OGFR: variants seen among roughly 807,000 people sequenced by gnomAD.
OGFR encodes opioid growth factor receptor.
In OGFR, 18 loss-of-function variants were observed where a neutral mutation model predicts 33.6. That is an observed-to-expected ratio of 0.54 (90% confidence interval 0.37 to 0.80). OGFR has a LOEUF of 0.80. OGFR is among the 30% of genes least tolerant of loss of function. The pLI is 0.00. For missense variants in OGFR, 877 were observed against 955.8 expected (o/e 0.92, Z 1.09); for synonymous variants, 370 against 400.7 (o/e 0.92, Z 0.91).
At chr20:62,812,018 T>TA (rs1317200434) in intron 6 of OGFR, among the ~76,000 whole-genome samples, 2 of 152,176 alleles carry the variant, frequency 1.3e-5, no homozygotes, top group African/African-American at 2.4e-5. Context: ...AGCATCCCCC[T>TA]AACCCCCGTG....
chr20:62,806,987 G>A lies in OGFR; in HGVS notation c.172-550G>A, dbSNP rs183111520. On this transcript the variant is annotated intron_variant, in intron 1 of 6. Transcript: ENST00000290291. ...GCCCTCACCGTGGCCAGTGAGGCGT[G>A]GGGTTGGGCAGGGAAGGGGCATTCA... 71 of 160,920 alleles carry A rather than the reference G, an allele frequency of 4.4e-4. No homozygotes were observed. The East Asian group carries it at 9.0e-3, about 20-fold the overall frequency. The allele number at this position is 160,920 out of a possible 1,614,324, so 10.0% of individuals were successfully genotyped here. A position where few individuals can be genotyped will look rare whatever the true frequency, so the allele number is the denominator to read the frequency against.
At chr20:62,807,390 CAGGAGAATGAGAGGG>C in intron 1 of OGFR, 132 bp from the exon 2 acceptor site, 1 of 690,596 alleles carries the variant, frequency 1.4e-6, no homozygotes, top group South Asian at 1.8e-5. Flanking sequence ...AGAGCCAGGG[CAGGAGAATGAGAGGG>C]AGGAGCCATG....
Position 62,813,122 on chromosome 20 carries a change from G to T in OGFR, c.1507G>T (p.Asp503Tyr). ...ACACAGTGAGAACGGGGTTGAGGAGGACACAGAAGGTCGAACGGGGCCCAA... is the reference window on the plus strand; with the variant it reads ...ACACAGTGAGAACGGGGTTGAGGAGTACACAGAAGGTCGAACGGGGCCCAA... ...AGHSENGVEE[D>Y]TEGRTGPKEG... The change falls in exon 7 of 7, where the codon GAC (aspartate) becomes TAC (tyrosine). Residue 503 changes from aspartate to tyrosine, a missense_variant. Coordinates refer to ENST00000290291, the MANE Select transcript of OGFR (RefSeq NM_007346.4). The T allele has an allele frequency of 1.3e-6, 2 of 1,580,064 alleles. No individual in the cohort carries two copies. The highest frequency in any genetic ancestry group is 1.7e-6 in the Non-Finnish European group (2 of 1,163,074).
In OGFR at chr20:62,813,025, G is replaced by A. The variant is rs372059243; in HGVS notation, c.1410G>A (p.Ala470=). The change falls in exon 7 of 7, where the codon GCG becomes GCA. Residue 470 remains alanine (A), a synonymous_variant. Coordinates refer to ENST00000290291, the MANE Select transcript of OGFR (RefSeq NM_007346.4). ...ATGAGGGTGCTGGGGACAGTGCTGC[G>A]GTGGCCAGTGGTGGTGCCCAGACCT... The part of the protein sequence containing the change: ...KVDEGAGDSA[A]VASGGAQTLA... 1.2e-5 allele frequency: 19 copies of A among 1,600,846 alleles called. No individual in the cohort carries two copies. The highest frequency in any genetic ancestry group is 9.4e-5 in the African/African-American group (7 of 74,846).
chr20:62,809,568 C>G lies in OGFR; in HGVS notation c.320-17C>G. 1 of 1,609,146 alleles carries G rather than the reference C, an allele frequency of 6.2e-7. No individual in the cohort carries two copies. The highest frequency in any genetic ancestry group is 8.5e-7 in the Non-Finnish European group (1 of 1,176,710). On this transcript the variant is annotated splice_polypyrimidine_tract_variant and intron_variant, in intron 3 of 6. Coordinates refer to ENST00000290291, the MANE Select transcript of OGFR (RefSeq NM_007346.4). ...AGGGTGGCTGCCACAGCTGACTTGT[C>G]CCCATGGGGCTCCCAGGCTGTTTCA... is the stretch of plus-strand genomic sequence containing the variant.
intron 3 of OGFR, among the ~76,000 whole-genome samples, chr20:62,808,653 C>T (rs35628589): frequency 0.045 from 6,899 of 152,262 alleles, 225 homozygotes; most frequent in Non-Finnish European, 0.065. Context: ...CTAAGGATAG[C>T]TTTTATATTT....
intron 2 of OGFR, 54 bp from the exon 3 acceptor site, chr20:62,808,193 C>T: frequency 1.4e-6 from 2 of 1,392,126 alleles, no homozygotes; most frequent in East Asian, 2.3e-5. Context: ...CGGAGGGCCC[C>T]AGGGCAGCTT....
intron 2 of OGFR, chr20:62,807,884 G>A (rs1361192176): frequency 1.7e-6 from 1 of 599,254 alleles, no homozygotes; most frequent in Non-Finnish European, 3.0e-6. Flanking sequence ...ACACGTGTGG[G>A]GTCCGTGATA....
At position 62,812,632 on chromosome 20, in the gene OGFR, C is replaced by T. The variant is rs921334966; in HGVS notation, c.1017C>T (p.Gly339=). ...GGCCAGAGCATAGCAAGGGTGGGGG[C>T]AGGGTGGACGAGGGGCCCCAGCCAC... ...TCGPEHSKGG[G]RVDEGPQPRS... The change falls in exon 7 of 7, where the codon GGC becomes GGT. Residue 339 remains glycine (G), a synonymous_variant. Coordinates refer to ENST00000290291, the MANE Select transcript of OGFR (RefSeq NM_007346.4). 18 of 1,560,322 alleles carry T rather than the reference C, an allele frequency of 1.2e-5. No homozygotes were observed. The African/African-American group carries it at 2.2e-4, about 19-fold the overall frequency.
At chr20:62,805,347 G>A (rs1026813871) in intron 1 of OGFR, 13 of 178,932 alleles carry the variant, frequency 7.3e-5, no homozygotes, top group Admixed American at 1.9e-4. Flanking sequence ...TCCCGCCTCG[G>A]GCCCGCGCCT....
Position 62,810,544 on chromosome 20 carries a change from C to T in OGFR, c.444C>T (p.Pro148=). The change falls in exon 5 of 7, where the codon CCC becomes CCT. Residue 148 remains proline (P), a synonymous_variant. Coordinates refer to ENST00000290291, the MANE Select transcript of OGFR (RefSeq NM_007346.4). ...REPGVNWHAK[P]LTLREVEVFK... Reference sequence around the variant, plus strand: ...CAGGAGTGAACTGGCATGCCAAGCCCCTCACGCTCAGGGAGGTCGAGGTGA... The same window carrying T: ...CAGGAGTGAACTGGCATGCCAAGCCTCTCACGCTCAGGGAGGTCGAGGTGA... The T allele has an allele frequency of 1.2e-6, 2 of 1,613,084 alleles. No homozygotes were observed. The highest frequency in any genetic ancestry group is 1.3e-5 in the African/African-American group (1 of 75,072).
rs775487102 is a variant in OGFR at position 62,807,625 on chromosome 20, C to T, written c.240+20C>T. On this transcript the variant is annotated intron_variant, in intron 2 of 6. Transcript: ENST00000290291. The stretch of plus-strand genomic sequence containing the variant: ...TATCCGGTACGTACCTGCCCCTGCC[C>T]CGGGACACAGAACCCTCCCGCCAGC... 5 of 1,609,304 alleles carry T rather than the reference C, an allele frequency of 3.1e-6. No individual in the cohort carries two copies. The South Asian group carries it at 5.5e-5, about 18-fold the overall frequency.
intron 6 of OGFR, 144 bp from the exon 7 acceptor site, chr20:62,812,084 CAG>C: frequency 1.4e-6 from 1 of 717,912 alleles, no homozygotes; most frequent in Middle Eastern, 3.6e-4. Context: ...CCCCTGGGCC[CAG>C]AGAGGTAAAT....
intron 4 of OGFR, 116 bp from the exon 5 acceptor site, chr20:62,810,383 G>A (rs1990696904): frequency 1.0e-6 from 1 of 979,196 alleles, no homozygotes; most frequent in Non-Finnish European, 1.6e-6. Context: ...CCCTCCTAGA[G>A]TTGAGCCTGG....
At chr20:62,809,395 T>C (rs1431930182) in intron 3 of OGFR, among the ~76,000 whole-genome samples, 190 bp from the exon 4 acceptor site, 1 of 152,214 alleles carries the variant, frequency 6.6e-6, no homozygotes, top group African/African-American at 2.4e-5. Context: ...GGGCAAGGGC[T>C]GTGCATCGGA....
At position 62,812,643 on chromosome 20, in the gene OGFR, A is replaced by T; in HGVS notation, c.1028A>T (p.Glu343Val). Residue 343 changes from glutamate to valine, a missense_variant, in exon 7 of 7, where the codon GAG becomes GTG. Coordinates refer to ENST00000290291, the MANE Select transcript of OGFR (RefSeq NM_007346.4). ...AGCAAGGGTGGGGGCAGGGTGGACGAGGGGCCCCAGCCACGGAGCGTGGAG... is the reference window on the plus strand; with the variant it reads ...AGCAAGGGTGGGGGCAGGGTGGACGTGGGGCCCCAGCCACGGAGCGTGGAG... Reference protein sequence around the residue: ...EHSKGGGRVDEGPQPRSVEPQ... With the variant: ...EHSKGGGRVDVGPQPRSVEPQ... 6.4e-7 allele frequency: 1 copy of T among 1,557,642 alleles called. No homozygotes were observed. Among genetic ancestry groups the T allele is most frequent in the Non-Finnish European group, 8.7e-7 (1 of 1,152,570 alleles).
At chr20:62,810,659 A>G in intron 5 of OGFR, 94 bp downstream of exon 5, 6 of 1,184,814 alleles carry the variant, frequency 5.1e-6, no homozygotes, top group South Asian at 3.7e-5. Context: ...GGCAGTAGGC[A>G]TTTGGTGCCC....
chr20:62,811,624 G>GCGGGGGGCCCCCCCC lies in OGFR; in HGVS notation c.614+15_614+16insGGGGGGCCCCCCCCC. ...GAACCTGAACTGGTGAGGCCCGGCT[G>GCGGGGGGCCCCCCCC]CTCCCGCCCACCCCCACCCCGGCGC... On this transcript the variant is annotated intron_variant, in intron 6 of 6. Coordinates refer to ENST00000290291, the MANE Select transcript of OGFR (RefSeq NM_007346.4). The GCGGGGGGCCCCCCCC allele has an allele frequency of 6.4e-7, 1 of 1,551,494 alleles. No individual in the cohort carries two copies.
At chr20:62,810,187 G>A (rs549637515) in intron 4 of OGFR, among the ~76,000 whole-genome samples, 2 of 152,358 alleles carry the variant, frequency 1.3e-5, no homozygotes, top group East Asian at 3.9e-4. Flanking sequence ...AGAGAGGGAA[G>A]AGTGAGGAGT....
Sources: gnomAD v4.1 joint callset for allele counts (sites outside exome capture counted in the v4.1 genomes callset) on GRCh38, gnomAD v4.1.1 for gene constraint, MANE v1.5 for transcripts, NCBI Gene and HGNC (gene_info 2026-07-23, HGNC 2026-07-21) for gene names.